Variants in MARCKS observed in about 807,000 individuals in gnomAD.
The protein encoded by MARCKS is myristoylated alanine-rich C-kinase substrate.
Under a neutral mutation model 6.3 loss-of-function variants are expected in MARCKS, and 4 were observed. The observed-to-expected ratio is 0.63, with a 90% CI of 0.31 to 1.45. The LOEUF is 1.45. MARCKS is among the 40% of genes most tolerant of loss of function. The probability of loss-of-function intolerance (pLI) is 0.07; values close to 1 mark genes in which losing one functional copy is unlikely to be tolerated. For missense variants in MARCKS, 636 were observed against 485.7 expected (o/e 1.31, Z -2.91); for synonymous variants, 289 against 236.5 (o/e 1.22, Z -2.04).
Position 113,861,616 on chromosome 6 carries a change from T to G in MARCKS, c.*1037T>G, listed in dbSNP as rs1038102725. 4 of 152,640 alleles carry G rather than the reference T, an allele frequency of 2.6e-5. No individual in the cohort carries two copies. Among genetic ancestry groups the G allele is most frequent in the Non-Finnish European group, 5.9e-5 (4 of 68,006 alleles). 9.5% of individuals were successfully genotyped at this position (152,640 alleles called of 1,614,324 possible). On this transcript the variant is annotated 3_prime_UTR_variant, in exon 2 of 2. Transcript: ENST00000612661. ...TTTGAGAATAAAGGAAAAAAAATCTTCAGATGCAATGGTTTTGTGTAGCAT... is the reference window on the plus strand; with the variant it reads ...TTTGAGAATAAAGGAAAAAAAATCTGCAGATGCAATGGTTTTGTGTAGCAT...
intron 1 of MARCKS, among the ~76,000 whole-genome samples, chr6:113,859,399 AC>A: frequency 6.6e-6 from 1 of 151,994 alleles, no homozygotes; most frequent in East Asian, 1.9e-4. Flanking sequence ...TACGTTTCGG[AC>A]TTCGTCTTTA....
In MARCKS at chr6:113,860,434, C is replaced by T; in HGVS notation, c.854C>T (p.Ala285Val). The T allele has an allele frequency of 6.9e-6, 8 of 1,165,552 alleles. No individual in the cohort carries two copies. Among genetic ancestry groups the T allele is most frequent in the Non-Finnish European group, 8.5e-6 (8 of 936,094 alleles). The allele number at this position is 1,165,552 out of a possible 1,614,324, so 72.2% of individuals were successfully genotyped here. The part of the protein sequence containing the change: ...SAAACEAPSA[A>V]GPGAPPEQEA... ...GCCGCCTGCGAGGCCCCCTCCGCCG[C>T]CGGGCCCGGCGCGCCCCCGGAGCAG... Residue 285 changes from alanine to valine, a missense_variant, in exon 2 of 2, where the codon GCC becomes GTC. By Grantham distance (64) the Ala-to-Val change is moderately conservative (BLOSUM62 0). Transcript: ENST00000612661.
At chr6:113,858,978 G>C (rs1315632797) in intron 1 of MARCKS, among the ~76,000 whole-genome samples, 1 of 152,128 alleles carries the variant, frequency 6.6e-6, no homozygotes, top group African/African-American at 2.4e-5. Flanking sequence ...GCGGACTGTT[G>C]GGCTGCGCGA....
rs745621515 is a variant in MARCKS, at chr6:113,857,827, C to A, written c.82C>A (p.Pro28Thr). ...TGGGGAGGCGGCTGTGGCCTCGTCG[C>A]CTTCCAAAGCGAACGGACAGGTAAA... The part of the protein sequence containing the change: ...RPGEAAVASS[P>T]SKANGQENGH... Residue 28 changes from proline to threonine, a missense_variant, in exon 1 of 2, where the codon CCT becomes ACT. Transcript: ENST00000612661. 2.5e-6 allele frequency: 4 copies of A among 1,604,082 alleles called. No individual in the cohort carries two copies. The highest frequency in any genetic ancestry group is 2.6e-6 in the Non-Finnish European group (3 of 1,175,754).
Position 113,861,215 on chromosome 6 carries a change from A to T in MARCKS, c.*636A>T, listed in dbSNP as rs1441338667. Reference sequence around the variant, plus strand: ...GATTTAAAAAAAAAAAAACGATCATAGTCTTAGGAGTTCATTTAAACCATA... The same window carrying T: ...GATTTAAAAAAAAAAAAACGATCATTGTCTTAGGAGTTCATTTAAACCATA... On this transcript the variant is annotated 3_prime_UTR_variant, in exon 2 of 2. Transcript: ENST00000612661. 5 of 152,390 alleles carry T rather than the reference A, an allele frequency of 3.3e-5. No homozygotes were observed. Among genetic ancestry groups the T allele is most frequent in the Admixed American group, 2.6e-4 (4 of 15,270 alleles). 9.4% of individuals were successfully genotyped at this position (152,390 alleles called of 1,614,324 possible). A position where few individuals can be genotyped will look rare whatever the true frequency, so the allele number is the denominator to read the frequency against.
rs1774907443 is a variant in MARCKS at position 113,862,041 on chromosome 6, C to T, written c.*1462C>T. ...ATTTAGTTTTCATTTAAGAATTGAA[C>T]ATAATTATTTTTATTGTAGCTATAT... On this transcript the variant is annotated 3_prime_UTR_variant, in exon 2 of 2. Coordinates refer to ENST00000612661, the MANE Select transcript of MARCKS (RefSeq NM_002356.7). 6.6e-6 allele frequency: 1 copy of T among 152,004 alleles called. No individual in the cohort carries two copies. Among genetic ancestry groups the T allele is most frequent in the South Asian group, 2.1e-4 (1 of 4,828 alleles). The allele number at this position is 152,004 out of a possible 1,614,324, so 9.4% of individuals were successfully genotyped here.
In MARCKS at chr6:113,860,240, G is replaced by C. The variant is rs1774870090; in HGVS notation, c.660G>C (p.Glu220Asp). Residue 220 changes from glutamate to aspartate, a missense_variant, in exon 2 of 2, where the codon GAG becomes GAC. Coordinates refer to ENST00000612661, the MANE Select transcript of MARCKS (RefSeq NM_002356.7). ...ASGEQAAAPG[E>D]EAAAGEEGAA... ...GGGAGCAGGCAGCGGCGCCGGGCGA[G>C]GAGGCGGCAGCGGGCGAGGAGGGGG... 9.3e-7 allele frequency: 1 copy of C among 1,076,284 alleles called. No homozygotes were observed. The highest frequency in any genetic ancestry group is 5.6e-5 in the Admixed American group (1 of 17,810). The allele number at this position is 1,076,284 out of a possible 1,614,324, so 66.7% of individuals were successfully genotyped here.
rs1582438870 is a variant in MARCKS, at chr6:113,857,795, A to C, written c.50A>C (p.Glu17Ala). Reference protein sequence around the residue: ...KTAAKGEAAAERPGEAAVASS... With the variant: ...KTAAKGEAAAARPGEAAVASS... The stretch of plus-strand genomic sequence containing the variant: ...GCAGCGAAGGGAGAAGCCGCCGCGG[A>C]GAGGCCTGGGGAGGCGGCTGTGGCC... Residue 17 changes from glutamate (E) to alanine (A), a missense_variant, in exon 1 of 2, where the codon GAG becomes GCG. Transcript: ENST00000612661. The C allele has an allele frequency of 6.2e-7, 1 of 1,609,786 alleles. No individual in the cohort carries two copies. Among genetic ancestry groups the C allele is most frequent in the East Asian group, 2.2e-5 (1 of 44,822 alleles).
Position 113,860,650 on chromosome 6 carries a change from C to T in MARCKS, c.*71C>T. 11 of 1,174,476 alleles carry T rather than the reference C, an allele frequency of 9.4e-6. No homozygotes were observed. In the South Asian group the frequency reaches 1.5e-4, roughly 16 times the overall value. The allele number at this position is 1,174,476 out of a possible 1,614,324, so 72.8% of individuals were successfully genotyped here. A position where few individuals can be genotyped will look rare whatever the true frequency, so the allele number is the denominator to read the frequency against. On this transcript the variant is annotated 3_prime_UTR_variant, in exon 2 of 2. Transcript: ENST00000612661. The stretch of plus-strand genomic sequence containing the variant: ...TTGTTTGTTGGAGTGGTGCCAGGTA[C>T]TGGTTTTGGAGAACTTGTCTACAAC...
chr6:113,857,925 C>A, intron 1 of MARCKS, 78 bp downstream of exon 1: 1 of 1,183,986 alleles, frequency 8.4e-7, no homozygotes, highest in South Asian at 1.3e-5. Flanking sequence ...AAGGCTCATT[C>A]GTGGAGAGGA....
rs1397564103 is a variant in MARCKS, at chr6:113,861,564, C to T, written c.*985C>T. 2 of 152,376 alleles carry T rather than the reference C, an allele frequency of 1.3e-5. No individual in the cohort carries two copies. Among genetic ancestry groups the T allele is most frequent in the African/African-American group, 4.8e-5 (2 of 41,348 alleles). 9.4% of individuals were successfully genotyped at this position (152,376 alleles called of 1,614,324 possible). On this transcript the variant is annotated 3_prime_UTR_variant, in exon 2 of 2. Transcript: ENST00000612661. ...TACTGTGGTATGTTTTTGATTACAG[C>T]AGATAATGCTTTCTTTTCCAGTCGT...
Position 113,859,752 on chromosome 6 carries a change from C to T in MARCKS, c.172C>T (p.Leu58=), listed in dbSNP as rs1393832041. 7 of 1,491,568 alleles carry T rather than the reference C, an allele frequency of 4.7e-6. No homozygotes were observed. The South Asian group carries it at 8.8e-5, about 19-fold the overall frequency. 92.4% of individuals were successfully genotyped at this position (1,491,568 alleles called of 1,614,324 possible). ...CGCCGAGTCGGGCGCCAAGGAGGAG[C>T]TGCAGGCCAACGGCAGCGCCCCGGC... ...AAAESGAKEE[L]QANGSAPAAD... is the part of the protein sequence containing the mutation. Residue 58 remains leucine, a synonymous_variant, in exon 2 of 2, where the codon CTG becomes TTG. Transcript: ENST00000612661.
intron 1 of MARCKS, among the ~76,000 whole-genome samples, chr6:113,858,056 A>G (rs1774815000): frequency 1.3e-5 from 2 of 152,146 alleles, no homozygotes; most frequent in African/African-American, 4.8e-5. Context: ...AGAATTCTTG[A>G]GTAGACGGGA....
In MARCKS at chr6:113,860,354, C is replaced by A; in HGVS notation, c.774C>A (p.Ala258=). Residue 258 remains alanine (A), a synonymous_variant, in exon 2 of 2, where the codon GCC becomes GCA. Transcript: ENST00000612661. ...KPPASDETKA[A]EEPSKVEEKK... ...CCGCCAGCGACGAGACCAAGGCCGC[C>A]GAGGAGCCCAGCAAGGTGGAGGAGA... 7.7e-7 allele frequency: 1 copy of A among 1,298,570 alleles called. No individual in the cohort carries two copies. Among genetic ancestry groups the A allele is most frequent in the Non-Finnish European group, 1.0e-6 (1 of 997,294 alleles). 80.4% of individuals were successfully genotyped at this position (1,298,570 alleles called of 1,614,324 possible).
In MARCKS at chr6:113,860,135, G is replaced by A; in HGVS notation, c.555G>A (p.Glu185=). ...KKEAGEGGEA[E]APAAEGGKDE... ...AGGCTGGAGAAGGCGGTGAGGCTGAGGCGCCCGCTGCCGAAGGCGGCAAGG... is the reference window on the plus strand; with the variant it reads ...AGGCTGGAGAAGGCGGTGAGGCTGAAGCGCCCGCTGCCGAAGGCGGCAAGG... The change falls in exon 2 of 2, where the codon GAG becomes GAA. Residue 185 remains glutamate (E), a synonymous_variant. Transcript: ENST00000612661. The A allele has an allele frequency of 1.3e-6, 2 of 1,490,352 alleles. No homozygotes were observed. Among genetic ancestry groups the A allele is most frequent in the Non-Finnish European group, 8.9e-7 (1 of 1,117,438 alleles). 92.3% of individuals were successfully genotyped at this position (1,490,352 alleles called of 1,614,324 possible). A position where few individuals can be genotyped will look rare whatever the true frequency, so the allele number is the denominator to read the frequency against.
Position 113,860,465 on chromosome 6 carries a change from AGCCCCCGCGGAGGAGCCCGCG to A in MARCKS, c.889_909del (p.Pro297_Ala303del), listed in dbSNP as rs777963306. 1.4e-6 allele frequency: 2 copies of A among 1,391,034 alleles called. No individual in the cohort carries two copies. Among genetic ancestry groups the A allele is most frequent in the South Asian group, 1.5e-5 (1 of 65,232 alleles). The allele number at this position is 1,391,034 out of a possible 1,614,324, so 86.2% of individuals were successfully genotyped here. On this transcript the variant is annotated inframe_deletion, in exon 2 of 2. Coordinates refer to ENST00000612661, the MANE Select transcript of MARCKS (RefSeq NM_002356.7). Reference sequence around the variant, plus strand: ...CCGGCGCGCCCCCGGAGCAGGAGGCAGCCCCCGCGGAGGAGCCCGCGGCCGCCGCAGCCTCGTCAGCCTGCG... The same window carrying A: ...CCGGCGCGCCCCCGGAGCAGGAGGCAGCCGCCGCAGCCTCGTCAGCCTGCG...
rs1303820427 is a variant in MARCKS, at chr6:113,860,334, A to G, written c.754A>G (p.Ser252Gly). The G allele has an allele frequency of 7.7e-7, 1 of 1,305,516 alleles. No homozygotes were observed. Among genetic ancestry groups the G allele is most frequent in the Non-Finnish European group, 1.0e-6 (1 of 1,001,734 alleles). 80.9% of individuals were successfully genotyped at this position (1,305,516 alleles called of 1,614,324 possible). Residue 252 changes from serine to glycine, a missense_variant, in exon 2 of 2, where the codon AGC becomes GGC. Physicochemically the swap from Ser to Gly is moderately conservative, Grantham distance 56. Transcript: ENST00000612661. ...AAVAPEKPPA[S>G]DETKAAEEPS... ...TGTCGCGCCAGAGAAGCCGCCCGCC[A>G]GCGACGAGACCAAGGCCGCCGAGGA...
At position 113,860,720 on chromosome 6, in the gene MARCKS, T is replaced by G. The variant is rs2114522670; in HGVS notation, c.*141T>G. On this transcript the variant is annotated 3_prime_UTR_variant, in exon 2 of 2. Transcript: ENST00000612661. ...TGTCTTTTTTTATTTTACTTTTTTTTAAGCACCAAATTTTGTTGTTTTTTT... is the reference window on the plus strand; with the variant it reads ...TGTCTTTTTTTATTTTACTTTTTTTGAAGCACCAAATTTTGTTGTTTTTTT... 3 of 564,176 alleles carry G rather than the reference T, an allele frequency of 5.3e-6. No individual in the cohort carries two copies. The East Asian group carries it at 1.1e-4, about 21-fold the overall frequency. 34.9% of individuals were successfully genotyped at this position (564,176 alleles called of 1,614,324 possible). A position where few individuals can be genotyped will look rare whatever the true frequency, so the allele number is the denominator to read the frequency against.
In MARCKS at chr6:113,857,444, ACTT is replaced by A. The variant is rs1405922146; in HGVS notation, c.-298_-296del. On this transcript the variant is annotated 5_prime_UTR_variant, in exon 1 of 2. Coordinates refer to ENST00000612661, the MANE Select transcript of MARCKS (RefSeq NM_002356.7). ...GCTACAAATCTGGGATTTTTTTATT[ACTT>A]CTTTTTTTTTCGAACTACACTTGGG... 2 of 330,054 alleles carry A rather than the reference ACTT, an allele frequency of 6.1e-6. No homozygotes were observed. Among genetic ancestry groups the A allele is most frequent in the Non-Finnish European group, 5.6e-6 (1 of 178,808 alleles). 20.4% of individuals were successfully genotyped at this position (330,054 alleles called of 1,614,324 possible). A position where few individuals can be genotyped will look rare whatever the true frequency, so the allele number is the denominator to read the frequency against.
Sources: gnomAD v4.1 joint callset for allele counts (sites outside exome capture counted in the v4.1 genomes callset) on GRCh38, gnomAD v4.1.1 for gene constraint, MANE v1.5 for transcripts, NCBI Gene and HGNC (gene_info 2026-07-23, HGNC 2026-07-21) for gene names.